NDST3: variants seen among roughly 807,000 people sequenced by gnomAD.
NDST3 encodes the protein N-deacetylase and N-sulfotransferase 3, also known as bifunctional heparan sulfate N-deacetylase/N-sulfotransferase 3.
Under a neutral mutation model 96.1 loss-of-function variants are expected in NDST3, and 58 were observed. The ratio of observed to expected loss-of-function variants is 0.60; its 90% CI spans 0.49 to 0.75. The LOEUF is 0.75. NDST3 is among the 30% of genes least tolerant of loss of function. The pLI, the probability that NDST3 is intolerant of heterozygous loss-of-function variation, is 0.00. For synonymous variants in NDST3, 333 were observed against 359.7 expected (o/e 0.93, Z 0.84); for missense variants, 788 against 1,034.2 (o/e 0.76, Z 3.27).
intron 4 of NDST3, 104 bp downstream of exon 4, chr4:118,115,064 T>C (rs1164572588): frequency 4.8e-6 from 6 of 1,249,658 alleles, no homozygotes; most frequent in Non-Finnish European, 6.7e-6. Context: ...CTTTTCCATA[T>C]GATCATTTGG....
intron 6 of NDST3, among the ~76,000 whole-genome samples, chr4:118,185,760 C>T (rs944130819): frequency 6.6e-6 from 1 of 152,100 alleles, no homozygotes; most frequent in Non-Finnish European, 1.5e-5. Flanking sequence ...GAATAGTTGG[C>T]TACCTTTCAT....
At chr4:118,043,970 G>C (rs1411627490) in intron 1 of NDST3, among the ~76,000 whole-genome samples, 4 of 152,186 alleles carry the variant, frequency 2.6e-5, no homozygotes, top group Non-Finnish European at 5.9e-5. Flanking sequence ...GAAAAGAAAT[G>C]TCCTTCAGCA....
chr4:118,089,359 T>C (rs1469576527), intron 2 of NDST3, among the ~76,000 whole-genome samples: 1 of 151,878 alleles, frequency 6.6e-6, no homozygotes, highest in Non-Finnish European at 1.5e-5. Context: ...AAAAAAAACT[T>C]TTTCCATTAA....
chr4:118,069,206 G>C (rs1489486508), intron 2 of NDST3, among the ~76,000 whole-genome samples: 2 of 152,046 alleles, frequency 1.3e-5, no homozygotes, highest in Non-Finnish European at 1.5e-5. Flanking sequence ...AGTTAGGATA[G>C]AGAAATGGGA....
chr4:118,098,004 C>T (rs1724369166), intron 2 of NDST3, among the ~76,000 whole-genome samples: 2 of 150,988 alleles, frequency 1.3e-5, no homozygotes, highest in Non-Finnish European at 3.0e-5. Context: ...TAACACAAAC[C>T]TTTTTTTGGA....
At chr4:118,070,895 G>T (rs1206724973) in intron 2 of NDST3, among the ~76,000 whole-genome samples, 1 of 151,924 alleles carries the variant, frequency 6.6e-6, no homozygotes, top group Non-Finnish European at 1.5e-5. Flanking sequence ...AGAACATAAG[G>T]TGTTTGGTTT....
Position 118,085,248 on chromosome 4 carries a change from CA to C in NDST3, c.982-19766del, listed in dbSNP as rs1262077085. 5.3e-5 allele frequency among the ~76,000 whole-genome samples: 8 copies of C among 152,200 alleles called. No homozygotes were observed. In the East Asian group the frequency reaches 1.5e-3, roughly 29 times the overall value. On this transcript the variant is annotated intron_variant, in intron 2 of 13. Transcript: ENST00000296499. ...CTTTATTGACAGTAGCAGACCATAT[CA>C]AAAGTCTTCTGAAATGCTTCTAGCG... is the stretch of plus-strand genomic sequence containing the variant.
intron 4 of NDST3, among the ~76,000 whole-genome samples, chr4:118,129,725 G>C (rs1732441705): frequency 6.6e-6 from 1 of 151,956 alleles, no homozygotes; most frequent in African/African-American, 2.4e-5. Flanking sequence ...TGCTGATTAA[G>C]TCCAATATTT....
chr4:118,078,588 T>A (rs1241900727), intron 2 of NDST3, among the ~76,000 whole-genome samples: 3 of 151,872 alleles, frequency 2.0e-5, no homozygotes, highest in African/African-American at 7.3e-5. Flanking sequence ...CTGTCTCTAC[T>A]AAATACAAAA....
rs140462712 is a variant in NDST3, at chr4:118,041,011, G to A, written c.-156+6419G>A. 1.8e-3 allele frequency among the ~76,000 whole-genome samples: 279 copies of A among 151,302 alleles called. 2 individuals are homozygous for A. Among genetic ancestry groups the A allele is most frequent in the Admixed American group, 5.6e-3 (85 of 15,188 alleles). On this transcript the variant is annotated intron_variant, in intron 1 of 13. Coordinates refer to ENST00000296499, the MANE Select transcript of NDST3 (RefSeq NM_004784.3). ...GATCTGCCCACCTCAGCCTCCCCTC[G>A]TGCTGGGATTATAGGGGTGAGCCCC...
intron 2 of NDST3, among the ~76,000 whole-genome samples, chr4:118,076,083 T>C (rs1483809149): frequency 1.3e-5 from 2 of 152,166 alleles, no homozygotes; most frequent in African/African-American, 4.8e-5. Flanking sequence ...ATATGAGTTA[T>C]TGGTTGGATT....
At chr4:118,133,493 A>G (rs1168700404) in intron 4 of NDST3, among the ~76,000 whole-genome samples, 1 of 152,062 alleles carries the variant, frequency 6.6e-6, no homozygotes, top group African/African-American at 2.4e-5. Flanking sequence ...ACCCTCCTCA[A>G]TGCCATTTTC....
At chr4:118,244,591 GAATA>G (rs1741196427) in intron 12 of NDST3, among the ~76,000 whole-genome samples, 1 of 152,104 alleles carries the variant, frequency 6.6e-6, no homozygotes, top group South Asian at 2.1e-4. Flanking sequence ...GCATGTAGTA[GAATA>G]AATGAATGAA....
rs1301452838 is a variant in NDST3 at position 118,207,953 on chromosome 4, T to C, written c.1540-16538T>C. The stretch of plus-strand genomic sequence containing the variant: ...CCTCTTATGTGCAGTTCTGGGTACT[T>C]ACTATTATGTGGAAGGGTTAACATT... On this transcript the variant is annotated intron_variant, in intron 6 of 13. Transcript: ENST00000296499. Among the ~76,000 whole-genome samples, 2 of 144,466 alleles carry C rather than the reference T, an allele frequency of 1.4e-5. 1 individual carries two copies. Among genetic ancestry groups the C allele is most frequent in the Non-Finnish European group, 3.1e-5 (2 of 65,264 alleles). The allele number at this position is 144,466 out of a possible 152,430, so 94.8% of individuals were successfully genotyped here.
At chr4:118,152,714 C>A (rs537759770) in intron 6 of NDST3, among the ~76,000 whole-genome samples, 2 of 152,268 alleles carry the variant, frequency 1.3e-5, no homozygotes, top group East Asian at 3.9e-4. Flanking sequence ...TTTCTGTACT[C>A]CTGACTAAAT....
At chr4:118,190,553 T>C (rs564572489) in intron 6 of NDST3, among the ~76,000 whole-genome samples, 1 of 152,290 alleles carries the variant, frequency 6.6e-6, no homozygotes, top group East Asian at 1.9e-4. Flanking sequence ...CCAGGAGGAC[T>C]ATGAAGGGTA....
chr4:118,037,911 A>G (rs1312444646), intron 1 of NDST3, among the ~76,000 whole-genome samples: 3 of 152,090 alleles, frequency 2.0e-5, no homozygotes, highest in Non-Finnish European at 2.9e-5. Context: ...GACTCCCTAT[A>G]TCATATTTTT....
chr4:118,194,187 C>A, intron 6 of NDST3: 2 of 771,574 alleles, frequency 2.6e-6, no homozygotes, highest in Non-Finnish European at 2.3e-6. Flanking sequence ...TAAGGCAGAT[C>A]CAGATTCTCC....
At chr4:118,169,172 T>C (rs1450821397) in intron 6 of NDST3, among the ~76,000 whole-genome samples, 1 of 152,332 alleles carries the variant, frequency 6.6e-6, no homozygotes, top group East Asian at 1.9e-4. Flanking sequence ...AATATCTTTT[T>C]GTATTCTTAA....
Sources: allele counts gnomAD v4.1 joint callset (sites outside exome capture counted in the v4.1 genomes callset), GRCh38; gene constraint gnomAD v4.1.1; transcripts MANE v1.5; gene names NCBI Gene and HGNC (gene_info 2026-07-23, HGNC 2026-07-21).